Variants in SBSN observed in about 807,000 individuals in gnomAD.
The protein encoded by SBSN is suprabasin.
SBSN carries 33 observed loss-of-function variants against 42.8 expected under a neutral mutation model. The ratio of observed to expected loss-of-function variants is 0.77; its 90% confidence interval spans 0.58 to 1.03. The LOEUF (loss-of-function observed/expected upper bound fraction) is 1.03. Among genes scored for constraint, SBSN ranks in the 50% least tolerant of loss-of-function variants. The pLI, the probability that SBSN is intolerant of heterozygous loss-of-function variation, is 0.00. For missense variants in SBSN, 646 were observed against 757.3 expected, an observed-to-expected ratio of 0.85 and a Z score of 1.72; for synonymous variants, 276 against 307.0, an observed-to-expected ratio of 0.90 and a Z score of 1.06.
Position 35,528,102 on chromosome 19 carries a change from A to G in SBSN, c.180T>C (p.His60=), listed in dbSNP as rs1359629420. The change falls in exon 1 of 4, where the codon CAT becomes CAC. Residue 60 remains histidine (H), a synonymous_variant. Transcript: ENST00000452271. Reference sequence around the variant, plus strand: ...AAACCTTCTCCACTTCCCTTCCGGCATGCGTGATTCCACTGTTGATGCCAT... The same window carrying G: ...AAACCTTCTCCACTTCCCTTCCGGCGTGCGTGATTCCACTGTTGATGCCAT... ...ALDGINSGIT[H]AGREVEKVFN... 1.2e-6 allele frequency: 2 copies of G among 1,613,876 alleles called. No individual in the cohort carries two copies. Among genetic ancestry groups the G allele is most frequent in the African/African-American group, 1.3e-5 (1 of 74,860 alleles).
In SBSN at chr19:35,526,860, G is replaced by A. The variant is rs1034640949; in HGVS notation, c.1422C>T (p.Asp474=). 1 of 1,612,376 alleles carries A rather than the reference G, an allele frequency of 6.2e-7. No homozygotes were observed. The highest frequency in any genetic ancestry group is 8.5e-7 in the Non-Finnish European group (1 of 1,179,612). The change falls in exon 1 of 4, where the codon GAC becomes GAT. Residue 474 remains aspartate, a synonymous_variant. Coordinates refer to ENST00000452271, the MANE Select transcript of SBSN (RefSeq NM_001166034.2). ...CAGTGTGGAACCCTTGGACCGCTTT[G>A]TCTGCTTCCTTCCCGGCCTGTTCAA... ...HTLEQAGKEA[D]KAVQGFHTGV...
Position 35,526,852 on chromosome 19 carries a change from A to T in SBSN, c.1430T>A (p.Val477Asp). The change falls in exon 1 of 4, where the codon GTC (valine) becomes GAC (aspartate). Residue 477 changes from valine to aspartate, a missense_variant. Val to Asp is a radical substitution (Grantham distance 152). Coordinates refer to ENST00000452271, the MANE Select transcript of SBSN (RefSeq NM_001166034.2). ...EQAGKEADKA[V>D]QGFHTGVHQA... is the part of the protein sequence containing the mutation. ...GTGGACCCCAGTGTGGAACCCTTGG[A>T]CCGCTTTGTCTGCTTCCTTCCCGGC... 6.2e-7 allele frequency: 1 copy of T among 1,610,130 alleles called. No individual in the cohort carries two copies.
rs201115944 is a variant in SBSN, at chr19:35,528,013, A to G, written c.269T>C (p.Leu90Pro). 6 of 1,613,700 alleles carry G rather than the reference A, an allele frequency of 3.7e-6. No individual in the cohort carries two copies. The highest frequency in any genetic ancestry group is 5.1e-6 in the Non-Finnish European group (6 of 1,180,018). ...GGCAACCTTGTCCATGCCGTGGTTG[A>G]GCCCCTGGACGCCTTTGTCCAACTC... ...GKELDKGVQGLNHGMDKVAHE... is the reference protein window; with the variant it reads ...GKELDKGVQGPNHGMDKVAHE... The change falls in exon 1 of 4, where the codon CTC (leucine) becomes CCC (proline). Residue 90 changes from leucine to proline, a missense_variant. By Grantham distance (98) the Leu-to-Pro change is moderately conservative. Coordinates refer to ENST00000452271, the MANE Select transcript of SBSN (RefSeq NM_001166034.2).
chr19:35,524,950 T>TA (rs1170919320), intron 1 of SBSN, 26 bp from the exon 2 acceptor site: 7 of 1,612,774 alleles, frequency 4.3e-6, no homozygotes, highest in Non-Finnish European at 5.9e-6. Flanking sequence ...AGACTCTTGT[T>TA]ACAACCCCAC....
In SBSN at chr19:35,528,234, C is replaced by G; in HGVS notation, c.48G>C (p.Leu16=). ...TGGCCGCCCATCCAGACAGGGCCCC[C>G]AGTAGCAGAAGGAGGGAGCAGGAGC... The part of the protein sequence containing the change: ...LVGSCSLLLL[L]GALSGWAASD... Residue 16 remains leucine, a synonymous_variant, in exon 1 of 4, where the codon CTG becomes CTC. Transcript: ENST00000452271. The G allele has an allele frequency of 6.2e-7, 1 of 1,613,744 alleles. No homozygotes were observed. The highest frequency in any genetic ancestry group is 1.1e-5 in the South Asian group (1 of 91,054).
chr19:35,527,229 G>A lies in SBSN; in HGVS notation c.1053C>T (p.Gly351=). Residue 351 remains glycine, a synonymous_variant, in exon 1 of 4, where the codon GGC becomes GGT. Coordinates refer to ENST00000452271, the MANE Select transcript of SBSN (RefSeq NM_001166034.2). ...GACTGGCAGCATGGTGGACCCCCTG[G>A]CCAAACTTCTCTGTCTCCTTCCAGC... is the stretch of plus-strand genomic sequence containing the variant. The part of the protein sequence containing the change: ...SEGWKETEKF[G]QGVHHAASQF... The A allele has an allele frequency of 6.5e-7, 1 of 1,536,844 alleles. No homozygotes were observed. Among genetic ancestry groups the A allele is most frequent in the South Asian group, 1.2e-5 (1 of 84,052 alleles).
At chr19:35,525,487 C>T (rs890462668) in intron 1 of SBSN, among the ~76,000 whole-genome samples, 1 of 125,884 alleles carries the variant, frequency 7.9e-6, no homozygotes, top group African/African-American at 3.0e-5. Context: ...CTCTGTCTGG[C>T]GGCAGATGTG....
At position 35,527,871 on chromosome 19, in the gene SBSN, C is replaced by G. The variant is rs1568675658; in HGVS notation, c.411G>C (p.Gly137=). ...CCGCCTGGTTGGCCCCGTGATGGAC[C>G]CCATGATGGATCAGTTTGTCTGCCT... The part of the protein sequence containing the change: ...GKEADKLIHH[G]VHHGANQAGS... The change falls in exon 1 of 4, where the codon GGG becomes GGC. Residue 137 remains glycine, a synonymous_variant. Coordinates refer to ENST00000452271, the MANE Select transcript of SBSN (RefSeq NM_001166034.2). 6.2e-7 allele frequency: 1 copy of G among 1,613,932 alleles called. No individual in the cohort carries two copies.
intron 1 of SBSN, among the ~76,000 whole-genome samples, 164 bp downstream of exon 1, chr19:35,526,480 A>G (rs773495790): frequency 3.9e-5 from 6 of 152,218 alleles, no homozygotes; most frequent in Non-Finnish European, 5.9e-5. Flanking sequence ...GCTCCTTTGT[A>G]AGGGAGATGG....
intron 3 of SBSN, among the ~76,000 whole-genome samples, chr19:35,524,124 G>A (rs755724006): frequency 9.2e-5 from 14 of 152,208 alleles, no homozygotes; most frequent in Admixed American, 1.3e-4. Flanking sequence ...AGGTTGCAGC[G>A]AGCTGAGATT....
chr19:35,524,443 A>T (rs1223855849), intron 3 of SBSN, among the ~76,000 whole-genome samples: 1 of 152,064 alleles, frequency 6.6e-6, no homozygotes, highest in Non-Finnish European at 1.5e-5. Flanking sequence ...CCTGGCTCCC[A>T]GGGGCACCAG....
Position 35,528,206 on chromosome 19 carries a change from C to T in SBSN, c.76G>A (p.Asp26Asn), listed in dbSNP as rs548106040. 115 of 1,614,032 alleles carry T rather than the reference C, an allele frequency of 7.1e-5. No individual in the cohort carries two copies. The highest frequency in any genetic ancestry group is 9.2e-5 in the Non-Finnish European group (109 of 1,180,022). The change falls in exon 1 of 4, where the codon GAT (aspartate) becomes AAT (asparagine). Residue 26 changes from aspartate to asparagine, a missense_variant. Asp to Asn is a conservative substitution (Grantham distance 23). Transcript: ENST00000452271. ...TCAATGACCTTCTCAATGGGGTCAT[C>T]GCTGGCCGCCCATCCAGACAGGGCC... ...LGALSGWAAS[D>N]DPIEKVIEGI...
Position 35,523,367 on chromosome 19 carries a change from T to G in SBSN, c.*143A>C. Reference sequence around the variant, plus strand: ...CCCAGGGGACCACAATGAGACAGCATAGTGTATCAAGTTTATTCACAAATC... The same window carrying G: ...CCCAGGGGACCACAATGAGACAGCAGAGTGTATCAAGTTTATTCACAAATC... On this transcript the variant is annotated 3_prime_UTR_variant, in exon 4 of 4. Coordinates refer to ENST00000452271, the MANE Select transcript of SBSN (RefSeq NM_001166034.2). The G allele has an allele frequency of 1.2e-6, 1 of 817,378 alleles. No individual in the cohort carries two copies. The highest frequency in any genetic ancestry group is 1.5e-5 in the South Asian group (1 of 67,670). 50.6% of individuals were successfully genotyped at this position (817,378 alleles called of 1,614,324 possible).
At position 35,527,310 on chromosome 19, in the gene SBSN, C is replaced by T; in HGVS notation, c.972G>A (p.Gln324=). The part of the protein sequence containing the change: ...FGQGAHHAAG[Q]AGNEAGRFGQ... The stretch of plus-strand genomic sequence containing the variant: ...CAAACCTCCCAGCCTCATTTCCGGC[C>T]TGCCCCGCAGCATGGTGGGCCCCCT... Residue 324 remains glutamine, a synonymous_variant, in exon 1 of 4, where the codon CAG becomes CAA. Transcript: ENST00000452271. The T allele has an allele frequency of 6.5e-7, 1 of 1,529,546 alleles. No individual in the cohort carries two copies. The highest frequency in any genetic ancestry group is 8.7e-7 in the Non-Finnish European group (1 of 1,143,740). The allele number at this position is 1,529,546 out of a possible 1,614,324, so 94.7% of individuals were successfully genotyped here. A position where few individuals can be genotyped will look rare whatever the true frequency, so the allele number is the denominator to read the frequency against.
Position 35,527,799 on chromosome 19 carries a change from C to T in SBSN, c.483G>A (p.Gly161=). ...KFGQGVDNAA[G]QAGNEAGRFG... ...ACCTCCCAGCCTCATTTCCAGCCTG[C>T]CCTGCAGCATTGTCGACTCCCTGGC... Residue 161 remains glycine, a synonymous_variant, in exon 1 of 4, where the codon GGG becomes GGA. Transcript: ENST00000452271. 1 of 1,611,140 alleles carries T rather than the reference C, an allele frequency of 6.2e-7. No homozygotes were observed. The highest frequency in any genetic ancestry group is 8.5e-7 in the Non-Finnish European group (1 of 1,179,732).
At chr19:35,526,043 C>A (rs1004482083) in intron 1 of SBSN, among the ~76,000 whole-genome samples, 1 of 152,144 alleles carries the variant, frequency 6.6e-6, no homozygotes, top group African/African-American at 2.4e-5. Context: ...CCTGGCTGGG[C>A]AGTGCAGGGG....
chr19:35,528,081 C>A lies in SBSN; in HGVS notation c.201G>T (p.Lys67Asn), dbSNP rs2071404102. ...CCATGTTGCTAAGTCCGTTGAAAAC[C>A]TTCTCCACTTCCCTTCCGGCATGCG... is the stretch of plus-strand genomic sequence containing the variant. ...GITHAGREVE[K>N]VFNGLSNMGS... The change falls in exon 1 of 4, where the codon AAG becomes AAT. Residue 67 changes from lysine to asparagine, a missense_variant. Physicochemically the swap from Lys to Asn is moderately conservative, Grantham distance 94. Around this residue, in one of 3 missense-constraint regions of SBSN, gnomAD observed 190 missense variants for 197.1 expected, o/e 0.96. Transcript: ENST00000452271. The A allele has an allele frequency of 3.1e-6, 5 of 1,614,048 alleles. No homozygotes were observed. The highest frequency in any genetic ancestry group is 4.2e-6 in the Non-Finnish European group (5 of 1,180,026).
At chr19:35,524,294 A>G (rs1182333966) in intron 3 of SBSN, among the ~76,000 whole-genome samples, 1 of 152,190 alleles carries the variant, frequency 6.6e-6, no homozygotes, top group Non-Finnish European at 1.5e-5. Context: ...GAGGACAAAG[A>G]CACAGGCTCC....
In SBSN at chr19:35,524,698, A is replaced by C; in HGVS notation, c.1749+13T>G. Reference sequence around the variant, plus strand: ...GGACGCAGAGCAGAAAAGAGACACCATGGGGCACTCACCCTCCACAGGGCG... The same window carrying C: ...GGACGCAGAGCAGAAAAGAGACACCCTGGGGCACTCACCCTCCACAGGGCG... On this transcript the variant is annotated intron_variant, in intron 3 of 3. Coordinates refer to ENST00000452271, the MANE Select transcript of SBSN (RefSeq NM_001166034.2). The C allele has an allele frequency of 6.2e-7, 1 of 1,613,834 alleles. No homozygotes were observed. The highest frequency in any genetic ancestry group is 8.5e-7 in the Non-Finnish European group (1 of 1,179,820).
Sources: gnomAD v4.1 joint callset for allele counts (sites outside exome capture counted in the v4.1 genomes callset) on GRCh38, gnomAD v4.1.1 for gene constraint, gnomAD v4.1.1 regional missense constraint, MANE v1.5 for transcripts, NCBI Gene and HGNC (gene_info 2026-07-23, HGNC 2026-07-21) for gene names.